Variants in UBE3C observed in about 807,000 individuals in gnomAD.
The protein encoded by UBE3C is ubiquitin protein ligase E3C, also known as ubiquitin-protein ligase E3C.
Under a neutral mutation model 129.4 loss-of-function variants are expected in UBE3C, and 42 were observed. That is an observed-to-expected ratio of 0.32 (90% CI 0.25 to 0.42). The LOEUF (loss-of-function observed/expected upper bound fraction) is 0.42, where lower values mean the gene tolerates loss of function less well. Ranked by LOEUF, UBE3C falls within the 10% of genes least tolerant of loss-of-function variation. The pLI, the probability that UBE3C is intolerant of heterozygous loss-of-function variation, is 1.00. For synonymous variants in UBE3C, 510 were observed against 492.4 expected (o/e 1.04, Z -0.47); for missense variants, 1,049 against 1,319.1 (o/e 0.80, Z 3.17).
At chr7:157,188,555 G>A (rs1294527994) in intron 10 of UBE3C, among the ~76,000 whole-genome samples, 1 of 152,186 alleles carries the variant, frequency 6.6e-6, no homozygotes, top group Non-Finnish European at 1.5e-5. Flanking sequence ...CCATTGCTGT[G>A]GATGGTAATT....
At chr7:157,236,665 G>A (rs6950641) in intron 18 of UBE3C, among the ~76,000 whole-genome samples, 2,235 of 152,096 alleles carry the variant, frequency 0.015, 55 homozygotes, top group African/African-American at 0.051. Context: ...AGTCATTTTG[G>A]TTGCCTTAGT....
At chr7:157,235,553 A>G (rs1042619205) in intron 18 of UBE3C, among the ~76,000 whole-genome samples, 1 of 152,338 alleles carries the variant, frequency 6.6e-6, no homozygotes, top group African/African-American at 2.4e-5. Context: ...TATTCTGAAG[A>G]TGATGTCATT....
chr7:157,163,413 A>C (rs926898633), intron 1 of UBE3C, among the ~76,000 whole-genome samples: 1 of 151,696 alleles, frequency 6.6e-6, no homozygotes, highest in Non-Finnish European at 1.5e-5. Context: ...AAAGGAAAGA[A>C]ATGATACCCA....
intron 1 of UBE3C, among the ~76,000 whole-genome samples, chr7:157,149,352 G>A (rs1484678318): frequency 6.6e-6 from 1 of 152,140 alleles, no homozygotes; most frequent in South Asian, 2.1e-4. Context: ...CACTATGCCT[G>A]GCCAGGAATT....
chr7:157,211,676 C>T (rs140562606), intron 13 of UBE3C, among the ~76,000 whole-genome samples: 10 of 151,852 alleles, frequency 6.6e-5, no homozygotes, highest in African/African-American at 2.4e-4. Flanking sequence ...TTTGGTTAAC[C>T]CTTGACAGCA....
chr7:157,199,537 C>A (rs560824103), intron 10 of UBE3C, among the ~76,000 whole-genome samples: 3 of 150,000 alleles, frequency 2.0e-5, no homozygotes, highest in African/African-American at 7.4e-5. Flanking sequence ...ATGGTGTGAT[C>A]TCGGCTCACT....
chr7:157,215,703 C>T (rs777475803), intron 13 of UBE3C, among the ~76,000 whole-genome samples: 7 of 151,822 alleles, frequency 4.6e-5, no homozygotes, highest in African/African-American at 1.2e-4. Context: ...TTTCAGAAAA[C>T]GCCGTCTTGA....
Position 157,164,061 on chromosome 7 carries a change from A to T in UBE3C, c.120+198A>T, listed in dbSNP as rs567103126. ...GATGGACTAAAAGGGCAGTTTCCAG[A>T]CTGGAGAAGGAACATGGGCTTTTGG... On this transcript the variant is annotated intron_variant, in intron 2 of 22. Coordinates refer to ENST00000348165, the MANE Select transcript of UBE3C (RefSeq NM_014671.3). Among the ~76,000 whole-genome samples the T allele has an allele frequency of 3.3e-5, 5 of 152,232 alleles. No homozygotes were observed. The East Asian group carries it at 9.6e-4, about 29-fold the overall frequency.
chr7:157,207,810 C>G lies in UBE3C; in HGVS notation c.1684C>G (p.Pro562Ala), dbSNP rs1167573267. 1 of 1,614,042 alleles carries G rather than the reference C, an allele frequency of 6.2e-7. No homozygotes were observed. Among genetic ancestry groups the G allele is most frequent in the Non-Finnish European group, 8.5e-7 (1 of 1,180,004 alleles). The stretch of plus-strand genomic sequence containing the variant: ...CCTGGGGATCATCAAGTTGGCTTAT[C>G]CAGAAACCAAGCCAGAAGTTCGAGA... Reference protein sequence around the residue: ...ACLGIIKLAYPETKPEVREEY... With the variant: ...ACLGIIKLAYAETKPEVREEY... Residue 562 changes from proline (P) to alanine (A), a missense_variant, in exon 13 of 23, where the codon CCA (proline) becomes GCA (alanine). By Grantham distance (27) the Pro-to-Ala change is conservative (BLOSUM62 -1). Coordinates refer to ENST00000348165, the MANE Select transcript of UBE3C (RefSeq NM_014671.3).
At chr7:157,160,128 G>A (rs1326849353) in intron 1 of UBE3C, among the ~76,000 whole-genome samples, 1 of 151,112 alleles carries the variant, frequency 6.6e-6, no homozygotes, top group East Asian at 1.9e-4. Context: ...AGGCTGGAGT[G>A]CAGTGGCATG....
chr7:157,263,376 T>G (rs975292079), intron 22 of UBE3C: 3 of 152,438 alleles, frequency 2.0e-5, no homozygotes, highest in Non-Finnish European at 4.4e-5. Flanking sequence ...CTTGCCACAC[T>G]TACAGAAAGT....
rs776647962 is a variant in UBE3C at position 157,254,264 on chromosome 7, A to G, written c.2904A>G (p.Gln968=). The part of the protein sequence containing the change: ...QEIQVLISGA[Q]VPISLEDLKS... ...CTTAGGTATTAATTTCTGGTGCACA[A>G]GTTCCCATAAGCCTAGAGGACCTAA... The change falls in exon 21 of 23, where the codon CAA becomes CAG. Residue 968 remains glutamine, a synonymous_variant. Coordinates refer to ENST00000348165, the MANE Select transcript of UBE3C (RefSeq NM_014671.3). 6.2e-7 allele frequency: 1 copy of G among 1,613,748 alleles called. No homozygotes were observed. The highest frequency in any genetic ancestry group is 1.1e-5 in the South Asian group (1 of 90,934).
intron 11 of UBE3C, among the ~76,000 whole-genome samples, chr7:157,205,733 T>C (rs1168974608): frequency 6.6e-6 from 1 of 152,218 alleles, no homozygotes; most frequent in Non-Finnish European, 1.5e-5. Flanking sequence ...AAATGCAGAG[T>C]ATCACAACTG....
chr7:157,253,448 C>G (rs866062645), intron 19 of UBE3C, among the ~76,000 whole-genome samples: 2 of 152,228 alleles, frequency 1.3e-5, no homozygotes, highest in African/African-American at 4.8e-5. Context: ...TATCACTGAT[C>G]GTTACCACCA....
chr7:157,232,912 G>A (rs911468613), intron 18 of UBE3C, among the ~76,000 whole-genome samples: 3 of 152,116 alleles, frequency 2.0e-5, no homozygotes, highest in African/African-American at 7.2e-5. Flanking sequence ...TCACATTATG[G>A]AAAATTGAAC....
Position 157,248,411 on chromosome 7 carries a change from T to G in UBE3C, c.2525T>G (p.Phe842Cys). The change falls in exon 19 of 23, where the codon TTC becomes TGC. Residue 842 changes from phenylalanine to cysteine, a missense_variant. Physicochemically the swap from Phe to Cys is radical, Grantham distance 205 (BLOSUM62 -2). Coordinates refer to ENST00000348165, the MANE Select transcript of UBE3C (RefSeq NM_014671.3). Reference protein sequence around the residue: ...NMLVELPFAGFFLSKLLGTSA... With the variant: ...NMLVELPFAGCFLSKLLGTSA... The stretch of plus-strand genomic sequence containing the variant: ...CTGGTGGAGCTGCCCTTTGCAGGCT[T>G]CTTTCTTTCCAAGTTGCTTGGAACC... The G allele has an allele frequency of 6.2e-7, 1 of 1,613,580 alleles. No homozygotes were observed. The highest frequency in any genetic ancestry group is 8.5e-7 in the Non-Finnish European group (1 of 1,180,028).
intron 1 of UBE3C, among the ~76,000 whole-genome samples, chr7:157,159,290 A>G (rs1808001422): frequency 6.6e-6 from 1 of 151,650 alleles, no homozygotes; most frequent in Admixed American, 6.6e-5. Flanking sequence ...GGAGTATTTG[A>G]CACAGCAGGC....
intron 11 of UBE3C, 102 bp from the exon 12 acceptor site, chr7:157,207,296 A>G: frequency 6.8e-7 from 1 of 1,474,822 alleles, no homozygotes; most frequent in Admixed American, 2.3e-5. Context: ...TGCAAATGTT[A>G]CTTTCCCTGA....
intron 10 of UBE3C, 62 bp from the exon 11 acceptor site, chr7:157,201,658 TA>T (rs71895057): frequency 0.026 from 14,654 of 566,738 alleles, 654 homozygotes; most frequent in African/African-American, 0.08. Context: ...TTTTTTTTTT[TA>T]AGAAATGTTT....
Sources: gnomAD v4.1 joint callset for allele counts (sites outside exome capture counted in the v4.1 genomes callset) on GRCh38, gnomAD v4.1.1 for gene constraint, MANE v1.5 for transcripts, NCBI Gene and HGNC (gene_info 2026-07-23, HGNC 2026-07-21) for gene names.